The following METTL4 variants were observed in gnomAD, a reference collection of about 807,000 sequenced individuals.
The protein encoded by METTL4 is methyltransferase 4, N6-adenosine.
In METTL4, 40 loss-of-function variants were observed where a neutral mutation model predicts 54.0. The ratio of observed to expected loss-of-function variants is 0.74; its 90% CI spans 0.58 to 0.96. METTL4 has a LOEUF of 0.96. METTL4 is among the 50% of genes least tolerant of loss of function. The probability of loss-of-function intolerance (pLI) is 0.00; values close to 1 mark genes in which losing one functional copy is unlikely to be tolerated. For missense variants in METTL4, 525 were observed against 549.0 expected, an observed-to-expected ratio of 0.96 and a Z score of 0.44; for synonymous variants, 169 against 183.8, an observed-to-expected ratio of 0.92 and a Z score of 0.65.
intron 3 of METTL4, among the ~76,000 whole-genome samples, chr18:2,558,302 G>C (rs1244968280): frequency 6.6e-6 from 1 of 151,770 alleles, no homozygotes; most frequent in African/African-American, 2.4e-5. Context: ...TAGAAATCAA[G>C]AACAAGAAGA....
intron 7 of METTL4, 34 bp downstream of exon 7, chr18:2,544,619 C>A (rs1459850812): frequency 1.6e-6 from 2 of 1,262,120 alleles, no homozygotes; most frequent in Non-Finnish European, 2.3e-6. Context: ...AAAATTAATA[C>A]ATGTATACAA....
chr18:2,557,232 G>A (rs2072252145), intron 3 of METTL4, among the ~76,000 whole-genome samples: 1 of 152,008 alleles, frequency 6.6e-6, no homozygotes, highest in South Asian at 2.1e-4. Context: ...AGGCACACTA[G>A]AGAAATTTAC....
chr18:2,563,723 A>G, intron 3 of METTL4, 74 bp downstream of exon 3: 1 of 1,074,468 alleles, frequency 9.3e-7, no homozygotes. Flanking sequence ...AAAAATCCTT[A>G]TTTATGTTGT....
intron 3 of METTL4, 22 bp downstream of exon 3, chr18:2,563,775 T>A: frequency 6.5e-7 from 1 of 1,548,094 alleles, no homozygotes; most frequent in Middle Eastern, 1.7e-4. Flanking sequence ...TCCAATGTGA[T>A]CAATGAACAT....
intron 3 of METTL4, among the ~76,000 whole-genome samples, chr18:2,557,569 T>G (rs1817796692): frequency 6.6e-6 from 1 of 152,212 alleles, no homozygotes; most frequent in Non-Finnish European, 1.5e-5. Flanking sequence ...AAAGTCTCCC[T>G]CTGGGGCAAA....
At position 2,538,835 on chromosome 18, in the gene METTL4, T is replaced by A. The variant is rs1208457735; in HGVS notation, c.*165A>T. The A allele has an allele frequency of 1.6e-6, 1 of 641,772 alleles. No individual in the cohort carries two copies. The highest frequency in any genetic ancestry group is 2.6e-6 in the Non-Finnish European group (1 of 383,482). The allele number at this position is 641,772 out of a possible 1,614,324, so 39.8% of individuals were successfully genotyped here. ...AGTGCAACTCAAGTAAAATTCATCT[T>A]AAAATTACATGAAGGCTAGTCACTT... On this transcript the variant is annotated 3_prime_UTR_variant, in exon 9 of 9. Coordinates refer to ENST00000574538, the MANE Select transcript of METTL4 (RefSeq NM_022840.5).
chr18:2,543,357 G>A (rs957404643), intron 8 of METTL4, among the ~76,000 whole-genome samples: 1 of 152,120 alleles, frequency 6.6e-6, no homozygotes, highest in Non-Finnish European at 1.5e-5. Flanking sequence ...TATTCCTGAA[G>A]AAATCCTTTG....
At chr18:2,544,414 G>C (rs1311536664) in intron 7 of METTL4, 128 bp from the exon 8 acceptor site, 1 of 691,132 alleles carries the variant, frequency 1.4e-6, no homozygotes, top group Non-Finnish European at 2.3e-6. Context: ...ATCAATGAAA[G>C]AAATTAACAA....
In METTL4 at chr18:2,544,620, A is replaced by C. The variant is rs114353157; in HGVS notation, c.1181+33T>G. On this transcript the variant is annotated intron_variant, in intron 7 of 8. Coordinates refer to ENST00000574538, the MANE Select transcript of METTL4 (RefSeq NM_022840.5). The stretch of plus-strand genomic sequence containing the variant: ...TTTTTAAAAGCGTAAAAATTAATAC[A>C]TGTATACAATTTTGAAAAATCACCT... The C allele has an allele frequency of 7.1e-4, 892 of 1,261,122 alleles. 4 individuals are homozygous for C. The African/African-American group carries it at 0.012, about 17-fold the overall frequency. The allele number at this position is 1,261,122 out of a possible 1,614,324, so 78.1% of individuals were successfully genotyped here.
chr18:2,567,327 C>G lies in METTL4; in HGVS notation c.-111G>C. 1 of 947,576 alleles carries G rather than the reference C, an allele frequency of 1.1e-6. No individual in the cohort carries two copies. Among genetic ancestry groups the G allele is most frequent in the Non-Finnish European group, 1.5e-6 (1 of 650,408 alleles). 58.7% of individuals were successfully genotyped at this position (947,576 alleles called of 1,614,324 possible). A position where few individuals can be genotyped will look rare whatever the true frequency, so the allele number is the denominator to read the frequency against. On this transcript the variant is annotated 5_prime_UTR_variant, in exon 2 of 9. Coordinates refer to ENST00000574538, the MANE Select transcript of METTL4 (RefSeq NM_022840.5). ...TCAATAAACATACACTTCATACACA[C>G]AGATAGATTTGATATACAAGTACAA...
At position 2,537,626 on chromosome 18, in the gene METTL4, TCA is replaced by T. The variant is rs530238642; in HGVS notation, c.*1372_*1373del. 1.5e-4 allele frequency: 54 copies of T among 354,824 alleles called. No individual in the cohort carries two copies. The Admixed American group carries it at 2.1e-3, about 14-fold the overall frequency. 22.0% of individuals were successfully genotyped at this position (354,824 alleles called of 1,614,324 possible). A position where few individuals can be genotyped will look rare whatever the true frequency, so the allele number is the denominator to read the frequency against. On this transcript the variant is annotated 3_prime_UTR_variant, in exon 9 of 9. Coordinates refer to ENST00000574538, the MANE Select transcript of METTL4 (RefSeq NM_022840.5). ...CAAAATTAAGCCTCTGATACTATACTCACACACTCAAAGGATGAACAAACTTC... is the reference window on the plus strand; with the variant it reads ...CAAAATTAAGCCTCTGATACTATACTCACACTCAAAGGATGAACAAACTTC...
chr18:2,540,735 C>G, intron 8 of METTL4: 3 of 985,430 alleles, frequency 3.0e-6, no homozygotes, highest in Non-Finnish European at 3.6e-6. Flanking sequence ...TTTCCATTTT[C>G]TTCCCATGAA....
intron 8 of METTL4, among the ~76,000 whole-genome samples, chr18:2,543,761 T>TA (rs1265352098): frequency 6.6e-6 from 1 of 152,110 alleles, no homozygotes; most frequent in Non-Finnish European, 1.5e-5. Context: ...ACACTACCTT[T>TA]AAAAAAACGT....
rs537385879 is a variant in METTL4, at chr18:2,554,529, T to C, written c.829+140A>G. 43 of 740,788 alleles carry C rather than the reference T, an allele frequency of 5.8e-5. No individual in the cohort carries two copies. In the East Asian group the frequency reaches 6.7e-4, roughly 12 times the overall value. The allele number at this position is 740,788 out of a possible 1,614,324, so 45.9% of individuals were successfully genotyped here. On this transcript the variant is annotated intron_variant, in intron 4 of 8. Coordinates refer to ENST00000574538, the MANE Select transcript of METTL4 (RefSeq NM_022840.5). ...AAAGTCAGCACCTTAAAATTAAACC[T>C]AAGAGACAAATAACCCAAGGAAAAG...
At position 2,552,086 on chromosome 18, in the gene METTL4, G is replaced by A. The variant is rs141826335; in HGVS notation, c.899+609C>T. On this transcript the variant is annotated intron_variant, in intron 5 of 8. Coordinates refer to ENST00000574538, the MANE Select transcript of METTL4 (RefSeq NM_022840.5). ...CGTGCGCCTGTACTCCCAGCTACTC[G>A]GGAGGCTGAGGAAGAAGAATCGCTT... Among the ~76,000 whole-genome samples the A allele has an allele frequency of 8.0e-3, 1,210 of 152,124 alleles. 11 individuals carry two copies. The highest frequency in any genetic ancestry group is 0.028 in the African/African-American group (1,157 of 41,506).
Position 2,539,125 on chromosome 18 carries a change from T to C in METTL4, c.1294A>G (p.Lys432Glu). 1 of 1,613,736 alleles carries C rather than the reference T, an allele frequency of 6.2e-7. No individual in the cohort carries two copies. Among genetic ancestry groups the C allele is most frequent in the Non-Finnish European group, 8.5e-7 (1 of 1,179,792 alleles). Residue 432 changes from lysine (K) to glutamate (E), a missense_variant, in exon 9 of 9, where the codon AAG (lysine) becomes GAG (glutamate). Transcript: ENST00000574538. ...PLAEVLKDYI[K>E]PDGEYLELFA... ...AACTCCAAATATTCCCCATCTGGCT[T>C]GATGTAGTCTTTTAAAACCTCTGTT...
intron 1 of METTL4, chr18:2,568,386 CAT>C (rs1399905494): frequency 1.3e-5 from 2 of 152,256 alleles, no homozygotes; most frequent in Non-Finnish European, 2.9e-5. Context: ...GACAGTGACA[CAT>C]GATGGCAGTC....
chr18:2,539,934 T>A, intron 8 of METTL4: 1 of 965,816 alleles, frequency 1.0e-6, no homozygotes, highest in Non-Finnish European at 1.2e-6. Flanking sequence ...GAGATAGAAA[T>A]ACTGAGAACA....
Position 2,566,822 on chromosome 18 carries a change from T to C in METTL4, c.395A>G (p.Lys132Arg), listed in dbSNP as rs2072425234. The C allele has an allele frequency of 6.4e-7, 1 of 1,551,300 alleles. No individual in the cohort carries two copies. The highest frequency in any genetic ancestry group is 8.7e-7 in the Non-Finnish European group (1 of 1,149,264). ...TAAATATTTCTTAAAACTTTCTACC[T>C]TCCCAATAATAGAAATGGAGATTTC... is the stretch of plus-strand genomic sequence containing the variant. ...KKEISISIIGKKRKRCVVFNQ... is the reference protein window; with the variant it reads ...KKEISISIIGRKRKRCVVFNQ... Residue 132 changes from lysine (K) to arginine (R), a missense_variant and splice_region_variant, in exon 2 of 9, where the codon AAG (lysine) becomes AGG (arginine). Transcript: ENST00000574538.
Sources: allele counts gnomAD v4.1 joint callset (sites outside exome capture counted in the v4.1 genomes callset), GRCh38; gene constraint gnomAD v4.1.1; transcripts MANE v1.5; gene names NCBI Gene and HGNC (gene_info 2026-07-23, HGNC 2026-07-21).